The following DOCK8 variants were observed in gnomAD, a reference collection of about 807,000 sequenced individuals.
DOCK8 encodes dedicator of cytokinesis 8.
Under a neutral mutation model 245.6 loss-of-function variants are expected in DOCK8, and 141 were observed. The observed-to-expected ratio is 0.57, with a 90% CI of 0.50 to 0.66. The LOEUF (loss-of-function observed/expected upper bound fraction) is 0.66. Among genes scored for constraint, DOCK8 ranks in the 30% least tolerant of loss-of-function variants. The pLI is 0.00. For missense variants in DOCK8, 2,965 were observed against 2,603.4 expected, an observed-to-expected ratio of 1.14 and a Z score of -3.02; for synonymous variants, 1,168 against 970.2, an observed-to-expected ratio of 1.20 and a Z score of -3.79.
intron 40 of DOCK8, among the ~76,000 whole-genome samples, chr9:440,994 A>T (rs1050967885): frequency 2.7e-4 from 41 of 152,084 alleles, no homozygotes; most frequent in Non-Finnish European, 5.4e-4. Context: ...TCAGCCTCCC[A>T]AAGTGCTGGG....
intron 36 of DOCK8, 60 bp downstream of exon 36, chr9:429,914 T>C: frequency 6.3e-7 from 1 of 1,595,350 alleles, no homozygotes; most frequent in South Asian, 1.1e-5. Context: ...ATGTAAAGCA[T>C]CAGCTGCGAA....
rs777066716 is a variant in DOCK8, at chr9:396,784, G to A, written c.2971-1G>A. On this transcript the variant is annotated splice_acceptor_variant, in intron 24 of 47. Transcript: ENST00000432829. LOFTEE classifies it high-confidence loss of function. ...GACATTTCCTCCATCCCCCTCCGCA[G>A]GTGAAAAGCATGGCCCAGCACGTAC... The A allele has an allele frequency of 1.9e-6, 3 of 1,614,010 alleles. No individual in the cohort carries two copies. Among genetic ancestry groups the A allele is most frequent in the Non-Finnish European group, 1.7e-6 (2 of 1,180,028 alleles).
intron 26 of DOCK8, among the ~76,000 whole-genome samples, chr9:403,934 ATATATATATGTG>A (rs1564021407): frequency 2.3e-4 from 19 of 84,074 alleles, no homozygotes; most frequent in African/African-American, 1.2e-3. Context: ...ATATATGTGT[ATATATATATGTG>A]TATATATATA....
intron 12 of DOCK8, 63 bp from the exon 13 acceptor site, chr9:338,943 C>A: frequency 7.2e-7 from 1 of 1,388,670 alleles, no homozygotes; most frequent in East Asian, 2.3e-5. Flanking sequence ...TCCCAGAAAT[C>A]GTTTGTCCCC....
At position 376,223 on chromosome 9, in the gene DOCK8, A is replaced by G. The variant is rs1279455246; in HGVS notation, c.2123A>G (p.Gln708Arg). The change falls in exon 19 of 48, where the codon CAG becomes CGG. Residue 708 changes from glutamine to arginine, a missense_variant. By Grantham distance (43) the Gln-to-Arg change is conservative. Coordinates refer to ENST00000432829, the MANE Select transcript of DOCK8 (RefSeq NM_203447.4). ...SMHSAEKVPLQNPPIKWAEGH... is the reference protein window; with the variant it reads ...SMHSAEKVPLRNPPIKWAEGH... ...TCTTTAACACAGAAAGTCCCATTAC[A>G]GAATCCTCCCATTAAGTGGGCTGAA... 3.1e-6 allele frequency: 5 copies of G among 1,611,800 alleles called. No homozygotes were observed. The highest frequency in any genetic ancestry group is 4.2e-6 in the Non-Finnish European group (5 of 1,178,004).
intron 39 of DOCK8, among the ~76,000 whole-genome samples, chr9:435,572 T>G (rs75497857): frequency 0.02 from 2,995 of 152,326 alleles, 97 homozygotes; most frequent in African/African-American, 0.068. Flanking sequence ...GCCCATTCAT[T>G]TGATTCCACT....
At chr9:253,774 A>AT (rs745549077) in intron 1 of DOCK8, among the ~76,000 whole-genome samples, 7 of 151,936 alleles carry the variant, frequency 4.6e-5, no homozygotes, top group Non-Finnish European at 1.0e-4. Flanking sequence ...AGGTTTTAGG[A>AT]TTTTTTCCCC....
chr9:288,260 A>G (rs142270537), intron 3 of DOCK8, among the ~76,000 whole-genome samples: 221 of 152,320 alleles, frequency 1.5e-3, no homozygotes, highest in Non-Finnish European at 2.5e-3. Context: ...CACCAGAGTA[A>G]ACAATAGCTG....
chr9:296,184 G>A (rs1014001159), intron 4 of DOCK8, among the ~76,000 whole-genome samples: 9 of 152,072 alleles, frequency 5.9e-5, no homozygotes, highest in South Asian at 2.1e-4. Flanking sequence ...TTAGCATGGC[G>A]CCATGTTTGC....
intron 33 of DOCK8, among the ~76,000 whole-genome samples, chr9:424,415 CTTTTCTTTTTTT>C (rs1430629373): frequency 4.0e-5 from 6 of 148,622 alleles, no homozygotes; most frequent in Admixed American, 6.7e-5. Context: ...TTTTTTTTTT[CTTTTCTTTTTTT>C]GAGACAAGGT....
At chr9:261,529 G>A (rs73372587) in intron 1 of DOCK8, among the ~76,000 whole-genome samples, 4,893 of 152,234 alleles carry the variant, frequency 0.032, 244 homozygotes, top group African/African-American at 0.11. Flanking sequence ...TATGGTCGGG[G>A]ATATGGTCAA....
chr9:333,329 T>A lies in DOCK8; in HGVS notation c.1125+851T>A, dbSNP rs1815361. ...TTTAAAACATGGCCTTGGCCGGGCG[T>A]GGTGGCTCACACCTGTAATCCCAGC... On this transcript the variant is annotated intron_variant, in intron 10 of 47. Coordinates refer to ENST00000432829, the MANE Select transcript of DOCK8 (RefSeq NM_203447.4). Among the ~76,000 whole-genome samples, 13 of 152,084 alleles carry A rather than the reference T, an allele frequency of 8.5e-5. 1 individual carries two copies. The highest frequency in any genetic ancestry group is 6.5e-4 in the Admixed American group (10 of 15,276).
chr9:453,758 C>T (rs1018680459), intron 46 of DOCK8, among the ~76,000 whole-genome samples: 5 of 152,114 alleles, frequency 3.3e-5, no homozygotes, highest in African/African-American at 1.2e-4. Flanking sequence ...GACAGGGTCT[C>T]ACTATGCCGT....
At chr9:226,346 G>A (rs1442974662) in intron 1 of DOCK8, among the ~76,000 whole-genome samples, 2 of 152,156 alleles carry the variant, frequency 1.3e-5, no homozygotes, top group African/African-American at 2.4e-5. Flanking sequence ...GGGATTATGG[G>A]AGCTACAATT....
At chr9:291,981 G>T (rs1032792421) in intron 4 of DOCK8, among the ~76,000 whole-genome samples, 3 of 143,866 alleles carry the variant, frequency 2.1e-5, no homozygotes, top group Non-Finnish European at 4.5e-5. Flanking sequence ...GAGGCAGGAG[G>T]ATCACTTGAG....
Position 428,424 on chromosome 9 carries a change from T to C in DOCK8, c.4401T>C (p.Asn1467=), listed in dbSNP as rs1232988279. 3 of 1,614,230 alleles carry C rather than the reference T, an allele frequency of 1.9e-6. No homozygotes were observed. In the South Asian group the frequency reaches 3.3e-5, roughly 18 times the overall value. The change falls in exon 35 of 48, where the codon AAT becomes AAC. Residue 1467 remains asparagine, a synonymous_variant. Transcript: ENST00000432829. ...GAGGTGTTCTGAGGGTGCTGGTGAA[T>C]TCTCTGAACTGTGATCAGAGTACCA... ...LLGGVLRVLV[N]SLNCDQSTTY...
chr9:382,409 C>A, intron 21 of DOCK8, 104 bp from the exon 22 acceptor site: 1 of 1,494,300 alleles, frequency 6.7e-7, no homozygotes. Context: ...AAGGCCTAAT[C>A]CGGTGGCTTT....
At chr9:242,901 C>T (rs2047408787) in intron 1 of DOCK8, among the ~76,000 whole-genome samples, 1 of 152,010 alleles carries the variant, frequency 6.6e-6, no homozygotes. Flanking sequence ...ACGCTGTCCA[C>T]TCTAAACAGT....
intron 5 of DOCK8, 94 bp from the exon 6 acceptor site, chr9:311,860 C>T (rs1800197482): frequency 1.3e-6 from 2 of 1,496,496 alleles, no homozygotes; most frequent in Non-Finnish European, 1.8e-6. Flanking sequence ...TTCTGTAGTC[C>T]CAAATTGGAG....
Sources: gnomAD v4.1 joint callset for allele counts (sites outside exome capture counted in the v4.1 genomes callset) on GRCh38, gnomAD v4.1.1 for gene constraint, MANE v1.5 for transcripts, NCBI Gene and HGNC (gene_info 2026-07-23, HGNC 2026-07-21) for gene names.